The following TBC1D5 variants were observed in gnomAD, a reference collection of about 807,000 sequenced individuals.
The protein encoded by TBC1D5 is TBC1 domain family member 5.
A neutral mutation model predicts 100.3 loss-of-function variants in TBC1D5; 75 were observed. The observed-to-expected ratio is 0.75, with a 90% CI of 0.62 to 0.91. The LOEUF (loss-of-function observed/expected upper bound fraction) is 0.91, where lower values mean the gene tolerates loss of function less well. TBC1D5 is among the 40% of genes least tolerant of loss of function. The pLI, the probability that TBC1D5 is intolerant of heterozygous loss-of-function variation, is 0.00. For synonymous variants in TBC1D5, 323 were observed against 325.6 expected, an observed-to-expected ratio of 0.99 and a Z score of 0.09; for missense variants, 910 against 942.4, an observed-to-expected ratio of 0.97 and a Z score of 0.45.
chr3:17,450,265 C>T (rs967696024), intron 3 of TBC1D5, among the ~76,000 whole-genome samples: 7 of 152,058 alleles, frequency 4.6e-5, no homozygotes, highest in Non-Finnish European at 1.0e-4. Context: ...GATAAATCCA[C>T]GAAGATAAGG....
chr3:17,238,735 GAGA>G (rs1342342093), intron 16 of TBC1D5, among the ~76,000 whole-genome samples: 1 of 152,086 alleles, frequency 6.6e-6, no homozygotes, highest in African/African-American at 2.4e-5. Flanking sequence ...TAGTCTAGTA[GAGA>G]AGAAGTATAT....
intron 2 of TBC1D5, among the ~76,000 whole-genome samples, chr3:17,555,961 T>C (rs376259451): frequency 2.5e-4 from 38 of 152,304 alleles, no homozygotes; most frequent in Middle Eastern, 3.4e-3. Flanking sequence ...ATTCAGTTGA[T>C]TGGGGGCTTA....
At chr3:17,544,222 G>A (rs2096389810) in intron 2 of TBC1D5, among the ~76,000 whole-genome samples, 1 of 152,054 alleles carries the variant, frequency 6.6e-6, no homozygotes, top group African/African-American at 2.4e-5. Context: ...GCTGAACCGG[G>A]GGCCACACTT....
intron 13 of TBC1D5, among the ~76,000 whole-genome samples, chr3:17,361,062 T>A (rs529187078): frequency 6.6e-6 from 1 of 152,136 alleles, no homozygotes; most frequent in Non-Finnish European, 1.5e-5. Context: ...CTACAGTATA[T>A]CAAGACCATA....
At chr3:17,627,281 G>A (rs1216262255) in intron 1 of TBC1D5, among the ~76,000 whole-genome samples, 2 of 152,134 alleles carry the variant, frequency 1.3e-5, no homozygotes, top group Non-Finnish European at 2.9e-5. Flanking sequence ...GTGGCAAGAC[G>A]ATGCTTCCAG....
chr3:17,714,054 G>A lies in TBC1D5; in HGVS notation c.-101+25289C>T, dbSNP rs548093886. ...CCATCTCTTCCCTGGTACAAATGGCGGCCTTAGGCTGTCTTCCCTGTGTGT... is the reference window on the plus strand; with the variant it reads ...CCATCTCTTCCCTGGTACAAATGGCAGCCTTAGGCTGTCTTCCCTGTGTGT... On this transcript the variant is annotated intron_variant, in intron 1 of 21. Transcript: ENST00000253692. Among the ~76,000 whole-genome samples the A allele has an allele frequency of 5.9e-5, 9 of 152,114 alleles. No individual in the cohort carries two copies. The East Asian group carries it at 9.7e-4, about 16-fold the overall frequency.
intron 1 of TBC1D5, among the ~76,000 whole-genome samples, chr3:17,702,557 CA>C (rs1033551163): frequency 2.0e-5 from 3 of 151,840 alleles, no homozygotes; most frequent in African/African-American, 7.3e-5. Flanking sequence ...AAAAGATGTC[CA>C]AAATCTAATC....
At chr3:17,191,994 AG>A (rs943593578) in intron 18 of TBC1D5, among the ~76,000 whole-genome samples, 6 of 152,144 alleles carry the variant, frequency 3.9e-5, no homozygotes, top group Non-Finnish European at 5.9e-5. Context: ...TTGGGAAAAC[AG>A]GTTACAAAGT....
intron 13 of TBC1D5, among the ~76,000 whole-genome samples, chr3:17,370,848 C>T (rs1472607011): frequency 2.0e-5 from 3 of 152,088 alleles, no homozygotes; most frequent in East Asian, 3.9e-4. Flanking sequence ...CTACTAAGTA[C>T]ACCTCAATAA....
At chr3:17,652,563 A>ACT (rs1329204239) in intron 1 of TBC1D5, among the ~76,000 whole-genome samples, 1 of 152,156 alleles carries the variant, frequency 6.6e-6, no homozygotes, top group Non-Finnish European at 1.5e-5. Context: ...AAATTCTTGG[A>ACT]CTCTAGCACT....
chr3:17,463,163 TG>T (rs2095244952), intron 3 of TBC1D5, among the ~76,000 whole-genome samples: 1 of 152,214 alleles, frequency 6.6e-6, no homozygotes, highest in Non-Finnish European at 1.5e-5. Flanking sequence ...CATTTTAGTT[TG>T]TAGAGATTCT....
exon 22 of TBC1D5, chr3:17,157,810 A>G (rs2065722842): frequency 2.0e-5 from 3 of 152,260 alleles, no homozygotes; most frequent in Admixed American, 6.5e-5. Context: ...TTTGTTCAGC[A>G]TCTCTGACAA....
intron 1 of TBC1D5, among the ~76,000 whole-genome samples, chr3:17,684,388 C>T (rs2069952389): frequency 6.6e-6 from 1 of 152,044 alleles, no homozygotes; most frequent in East Asian, 1.9e-4. Flanking sequence ...CTACAGAGGC[C>T]ATTTTCACTA....
At chr3:17,428,407 GTGTGTATA>G (rs759351147) in intron 4 of TBC1D5, 35 bp downstream of exon 4, 33 of 496,826 alleles carry the variant, frequency 6.6e-5, no homozygotes, top group African/African-American at 2.7e-4. Flanking sequence ...GTGTGTGTGT[GTGTGTATA>G]TATATATATA....
chr3:17,363,665 G>C (rs530157521), intron 13 of TBC1D5, among the ~76,000 whole-genome samples: 1 of 151,072 alleles, frequency 6.6e-6, no homozygotes. Context: ...TTCCCGCCAC[G>C]ACCTCTCAAA....
At chr3:17,478,078 T>C (rs1449284308) in intron 3 of TBC1D5, among the ~76,000 whole-genome samples, 2 of 152,082 alleles carry the variant, frequency 1.3e-5, no homozygotes, top group African/African-American at 2.4e-5. Flanking sequence ...TCATATGCAA[T>C]ACATTTTTAA....
At chr3:17,705,024 G>C (rs1462449095) in intron 1 of TBC1D5, among the ~76,000 whole-genome samples, 1 of 130,636 alleles carries the variant, frequency 7.7e-6, no homozygotes, top group Non-Finnish European at 1.7e-5. Flanking sequence ...CCTCCCTCCC[G>C]GACGGGGCGG....
intron 2 of TBC1D5, among the ~76,000 whole-genome samples, chr3:17,566,966 A>T (rs1293450587): frequency 6.6e-6 from 1 of 151,780 alleles, no homozygotes; most frequent in Non-Finnish European, 1.5e-5. Context: ...GATATACATA[A>T]CTAAATCACC....
At chr3:17,664,715 T>A (rs73164796) in intron 1 of TBC1D5, among the ~76,000 whole-genome samples, 7,633 of 152,098 alleles carry the variant, frequency 0.05, 610 homozygotes, top group African/African-American at 0.17. Flanking sequence ...AAGAAAACAA[T>A]TCAAGAAACA....
Sources: allele counts gnomAD v4.1 joint callset (sites outside exome capture counted in the v4.1 genomes callset), GRCh38; gene constraint gnomAD v4.1.1; transcripts MANE v1.5; gene names NCBI Gene and HGNC (gene_info 2026-07-23, HGNC 2026-07-21).